The following BCL11B variants were observed in gnomAD, a reference collection of about 807,000 sequenced individuals.
The protein encoded by BCL11B is BCL11 transcription factor B.
Under a neutral mutation model 49.9 loss-of-function variants are expected in BCL11B, and 8 were observed. That is an observed-to-expected ratio of 0.16 (90% CI 0.09 to 0.29). The LOEUF is 0.29. BCL11B is among the 10% of genes least tolerant of loss of function. BCL11B has a pLI of 1.00. For missense variants in BCL11B, 1,006 were observed against 1,351.0 expected, an observed-to-expected ratio of 0.74 and a Z score of 4.00; for synonymous variants, 739 against 637.4, an observed-to-expected ratio of 1.16 and a Z score of -2.40.
intron 2 of BCL11B, among the ~76,000 whole-genome samples, chr14:99,236,239 G>A (rs118103235): frequency 4.9e-4 from 75 of 152,254 alleles, no homozygotes; most frequent in Non-Finnish European, 6.9e-4. Flanking sequence ...CAATTCGCAC[G>A]CGGGCAAATA....
At position 99,262,821 on chromosome 14, in the gene BCL11B, T is replaced by C. The variant is rs1889375446; in HGVS notation, c.59-4982A>G. ...TTTCTGAGCTGCCATCCATTTTTAA[T>C]TTATTGGATCCAAGAGAAAATAACA... On this transcript the variant is annotated intron_variant, in intron 1 of 3. Coordinates refer to ENST00000357195, the MANE Select transcript of BCL11B (RefSeq NM_138576.4). The surrounding 1 kb of genome is among the most constrained non-coding windows in gnomAD (Gnocchi z 4.2). 1 of 151,908 alleles carries C rather than the reference T, an allele frequency of 6.6e-6. No individual in the cohort carries two copies. Among genetic ancestry groups the C allele is most frequent in the African/African-American group, 2.4e-5 (1 of 41,252 alleles). The allele number at this position is 151,908 out of a possible 1,614,324, so 9.4% of individuals were successfully genotyped here. A position where few individuals can be genotyped will look rare whatever the true frequency, so the allele number is the denominator to read the frequency against.
Position 99,174,699 on chromosome 14 carries a change from C to A in BCL11B, c.2137G>T (p.Val713Leu). 6.4e-7 allele frequency: 1 copy of A among 1,571,026 alleles called. No individual in the cohort carries two copies. Among genetic ancestry groups the A allele is most frequent in the Non-Finnish European group, 8.6e-7 (1 of 1,160,590 alleles). The change falls in exon 4 of 4, where the codon GTG becomes TTG. Residue 713 changes from valine to leucine, a missense_variant. Coordinates refer to ENST00000357195, the MANE Select transcript of BCL11B (RefSeq NM_138576.4). ...PSENVYSQWL[V>L]GYAASRHFMK... Reference sequence around the variant, plus strand: ...AAGTGCCGCGACGCCGCGTAGCCCACCAGCCACTGCGAGTACACGTTCTCG... The same window carrying A: ...AAGTGCCGCGACGCCGCGTAGCCCAACAGCCACTGCGAGTACACGTTCTCG...
In BCL11B at chr14:99,175,184, C is replaced by T. The variant is rs768412264; in HGVS notation, c.1652G>A (p.Arg551Gln). 6.4e-7 allele frequency: 1 copy of T among 1,572,510 alleles called. No homozygotes were observed. The highest frequency in any genetic ancestry group is 1.3e-5 in the African/African-American group (1 of 74,094). Reference sequence around the variant, plus strand: ...GTCCATGCTGAAGCTCGACTCGGGCCGGCTCTCGTTCTCCAGTAGCAGCTC... The same window carrying T: ...GTCCATGCTGAAGCTCGACTCGGGCTGGCTCTCGTTCTCCAGTAGCAGCTC... ...EEELLLENES[R>Q]PESSFSMDSE... Residue 551 changes from arginine to glutamine, a missense_variant, in exon 4 of 4, where the codon CGG becomes CAG. Arg to Gln is a conservative substitution (Grantham distance 43). Transcript: ENST00000357195.
intron 3 of BCL11B, among the ~76,000 whole-genome samples, chr14:99,214,455 G>C (rs1887772879): frequency 6.6e-6 from 1 of 151,846 alleles, no homozygotes; most frequent in Non-Finnish European, 1.5e-5. Flanking sequence ...CTACTTAGGA[G>C]GCTGAGACAG....
At chr14:99,201,826 C>T (rs1049175871) in intron 3 of BCL11B, among the ~76,000 whole-genome samples, 2 of 152,172 alleles carry the variant, frequency 1.3e-5, no homozygotes, top group African/African-American at 4.8e-5. Flanking sequence ...GACCATCCCT[C>T]GGTGCCTCAC....
intron 3 of BCL11B, among the ~76,000 whole-genome samples, chr14:99,182,545 A>C (rs1160482846): frequency 6.6e-6 from 1 of 152,190 alleles, no homozygotes; most frequent in African/African-American, 2.4e-5. Flanking sequence ...AACTCCATGA[A>C]ATCATGCTGA....
At chr14:99,222,827 C>A (rs957599624) in intron 3 of BCL11B, among the ~76,000 whole-genome samples, 3 of 150,782 alleles carry the variant, frequency 2.0e-5, no homozygotes, top group African/African-American at 7.4e-5. Flanking sequence ...CCTTTAATTT[C>A]TTTATTTCCC....
Position 99,271,305 on chromosome 14 carries a change from T to TGCCGCC in BCL11B, c.-93_-88dup, listed in dbSNP as rs1216488923. ...GGGGTCCGAGCCGCCGCCGCGCCGC[T>TGCCGCC]GCCGCCGCTGCCGCCGCCGCCGCCG... On this transcript the variant is annotated 5_prime_UTR_variant, in exon 1 of 4. Transcript: ENST00000357195. 2.4e-6 allele frequency: 2 copies of TGCCGCC among 850,910 alleles called. No individual in the cohort carries two copies. Among genetic ancestry groups the TGCCGCC allele is most frequent in the African/African-American group, 3.4e-5 (2 of 58,084 alleles). The allele number at this position is 850,910 out of a possible 1,614,324, so 52.7% of individuals were successfully genotyped here. A position where few individuals can be genotyped will look rare whatever the true frequency, so the allele number is the denominator to read the frequency against.
At chr14:99,270,715 C>T (rs1889645272) in intron 1 of BCL11B, among the ~76,000 whole-genome samples, 1 of 151,510 alleles carries the variant, frequency 6.6e-6, no homozygotes, top group African/African-American at 2.4e-5. Flanking sequence ...TCAGCGCGGA[C>T]CCACGCGCTC....
intron 3 of BCL11B, among the ~76,000 whole-genome samples, chr14:99,186,757 C>G (rs1236217847): frequency 6.6e-6 from 1 of 152,114 alleles, no homozygotes; most frequent in Non-Finnish European, 1.5e-5. Context: ...AATTTCAAGC[C>G]CACACTCAAG....
In BCL11B at chr14:99,257,923, C is replaced by G; in HGVS notation, c.59-84G>C. On this transcript the variant is annotated intron_variant, in intron 1 of 3. Transcript: ENST00000357195. The surrounding 1 kb of genome is among the most constrained non-coding windows in gnomAD (Gnocchi z 6.2). ...CACAGCACCCAACTTCCGGTCCACCCCTTCCCCGCCAAGAAGCAGCCCCCT... is the reference window on the plus strand; with the variant it reads ...CACAGCACCCAACTTCCGGTCCACCGCTTCCCCGCCAAGAAGCAGCCCCCT... 7.2e-7 allele frequency: 1 copy of G among 1,395,286 alleles called. No individual in the cohort carries two copies. Among genetic ancestry groups the G allele is most frequent in the Non-Finnish European group, 9.4e-7 (1 of 1,065,882 alleles). 86.4% of individuals were successfully genotyped at this position (1,395,286 alleles called of 1,614,324 possible). A position where few individuals can be genotyped will look rare whatever the true frequency, so the allele number is the denominator to read the frequency against.
rs1889673836 is a variant in BCL11B, at chr14:99,271,290, C to T, written c.-72G>A. ...GGGGAGCCGGGGGAGGGGGTCCGAG[C>T]CGCCGCCGCGCCGCTGCCGCCGCTG... On this transcript the variant is annotated 5_prime_UTR_variant, in exon 1 of 4. Transcript: ENST00000357195. 8.4e-6 allele frequency: 10 copies of T among 1,187,534 alleles called. No homozygotes were observed. Among genetic ancestry groups the T allele is most frequent in the South Asian group, 7.6e-5 (2 of 26,186 alleles). 73.6% of individuals were successfully genotyped at this position (1,187,534 alleles called of 1,614,324 possible). A position where few individuals can be genotyped will look rare whatever the true frequency, so the allele number is the denominator to read the frequency against.
intron 3 of BCL11B, among the ~76,000 whole-genome samples, chr14:99,187,099 C>T (rs1281703957): frequency 6.6e-6 from 1 of 152,168 alleles, no homozygotes; most frequent in African/African-American, 2.4e-5. Context: ...TTTCCCAAAA[C>T]AGTCTGTGTT....
At chr14:99,191,022 C>G (rs745331260) in intron 3 of BCL11B, among the ~76,000 whole-genome samples, 7 of 152,086 alleles carry the variant, frequency 4.6e-5, no homozygotes, top group Non-Finnish European at 7.4e-5. Flanking sequence ...GCCTTTGATT[C>G]CACTCTTTTA....
intron 3 of BCL11B, among the ~76,000 whole-genome samples, chr14:99,224,774 G>C (rs1192767633): frequency 6.6e-6 from 1 of 152,308 alleles, no homozygotes; most frequent in East Asian, 1.9e-4. Flanking sequence ...GAGGAAGTAA[G>C]TGGCTAGCCT....
chr14:99,203,668 A>C (rs2693684), intron 3 of BCL11B, among the ~76,000 whole-genome samples: 26,870 of 152,094 alleles, frequency 0.18, 3,609 homozygotes, highest in East Asian at 0.47. Context: ...TTTACTCTGT[A>C]ATTGCACAAA....
At position 99,208,961 on chromosome 14, in the gene BCL11B, G is replaced by C. The variant is rs189002094; in HGVS notation, c.640+22384C>G. Among the ~76,000 whole-genome samples, 42 of 152,312 alleles carry C rather than the reference G, an allele frequency of 2.8e-4. No individual in the cohort carries two copies. The East Asian group carries it at 7.0e-3, about 25-fold the overall frequency. ...TCGAGCCCCCAAGAAGTGGGAGAGA[G>C]AGGCTCCATGCGAGAGCCAGGACAC... On this transcript the variant is annotated intron_variant, in intron 3 of 3. Coordinates refer to ENST00000357195, the MANE Select transcript of BCL11B (RefSeq NM_138576.4).
chr14:99,223,615 G>C (rs1888075257), intron 3 of BCL11B, among the ~76,000 whole-genome samples: 1 of 152,182 alleles, frequency 6.6e-6, no homozygotes, highest in Non-Finnish European at 1.5e-5. Context: ...ACCTTTCATG[G>C]AAAACCCATT....
At chr14:99,190,899 C>T (rs1447164269) in intron 3 of BCL11B, among the ~76,000 whole-genome samples, 2 of 97,380 alleles carry the variant, frequency 2.1e-5, no homozygotes, top group South Asian at 5.6e-4. Flanking sequence ...CCGCCCGCTT[C>T]GGCCACACGG....
Sources: gnomAD v4.1 joint callset for allele counts (sites outside exome capture counted in the v4.1 genomes callset) on GRCh38, gnomAD v4.1.1 for gene constraint, Gnocchi (gnomAD v3.1) non-coding constraint, MANE v1.5 for transcripts, NCBI Gene and HGNC (gene_info 2026-07-23, HGNC 2026-07-21) for gene names.